Variants in LPA observed in about 807,000 individuals in gnomAD.
LPA encodes lipoprotein(a).
In LPA, 199 loss-of-function variants were observed where a neutral mutation model predicts 197.9. The ratio of observed to expected loss-of-function variants is 1.01; its 90% CI spans 0.90 to 1.13. The LOEUF (loss-of-function observed/expected upper bound fraction) is 1.13. LPA is among the 50% of genes most tolerant of loss of function. The pLI, the probability that LPA is intolerant of heterozygous loss-of-function variation, is 0.00. For synonymous variants in LPA, 715 were observed against 639.5 expected (o/e 1.12, Z -1.78); for missense variants, 1,853 against 1,785.8 (o/e 1.04, Z -0.68).
chr6:160,581,016 A>G (rs1778784502), intron 26 of LPA, among the ~76,000 whole-genome samples: 1 of 152,124 alleles, frequency 6.6e-6, no homozygotes, highest in African/African-American at 2.4e-5. Context: ...ATACTTTTTC[A>G]TAGCAGTCTT....
chr6:160,555,436 C>CATATATAT lies in LPA; in HGVS notation c.4973+581_4973+588dup, dbSNP rs770158265. The stretch of plus-strand genomic sequence containing the variant: ...AAAAACCTTGCATGTTTCCCTAGAA[C>CATATATAT]ATATATATATATATATATATGTGTG... On this transcript the variant is annotated intron_variant, in intron 30 of 38. Transcript: ENST00000316300. Among the ~76,000 whole-genome samples, 113 of 121,986 alleles carry CATATATAT rather than the reference C, an allele frequency of 9.3e-4. 2 individuals are homozygous for CATATATAT. The highest frequency in any genetic ancestry group is 1.2e-3 in the African/African-American group (39 of 31,478). The allele number at this position is 121,986 out of a possible 152,430, so 80.0% of individuals were successfully genotyped here.
chr6:160,605,202 G>C lies in LPA; in HGVS notation c.2789C>G (p.Pro930Arg). 6.2e-7 allele frequency: 1 copy of C among 1,613,566 alleles called. No individual in the cohort carries two copies. Among genetic ancestry groups the C allele is most frequent in the Non-Finnish European group, 8.5e-7 (1 of 1,179,836 alleles). The change falls in exon 18 of 39, where the codon CCA becomes CGA. Residue 930 changes from proline (P) to arginine (R), a missense_variant. By Grantham distance (103) the Pro-to-Arg change is moderately radical. Around this residue, in one of 3 missense-constraint regions of LPA, gnomAD observed 1,737 missense variants for 1,504.4 expected, o/e 1.15. Coordinates refer to ENST00000316300, the MANE Select transcript of LPA (RefSeq NM_005577.4). ...CTGCACCCCAGGCCTTTGCTCAGTTGGTGCTGAAATGAAAAGAAAAGAAAT... is the reference window on the plus strand; with the variant it reads ...CTGCACCCCAGGCCTTTGCTCAGTTCGTGCTGAAATGAAAAGAAAAGAAAT... ...PSLEAPSEQA[P>R]TEQRPGVQEC...
chr6:160,600,855 G>A (rs1474139460), intron 19 of LPA, 62 bp downstream of exon 19: 6 of 1,557,660 alleles, frequency 3.9e-6, no homozygotes, highest in Non-Finnish European at 5.3e-6. Flanking sequence ...TGCGTCAGTG[G>A]GGGTATCCAT....
At chr6:160,579,279 T>A (rs1354221603) in intron 26 of LPA, among the ~76,000 whole-genome samples, 1 of 152,114 alleles carries the variant, frequency 6.6e-6, no homozygotes, top group Non-Finnish European at 1.5e-5. Flanking sequence ...ATGAAAATAG[T>A]ATTACTATAA....
At chr6:160,571,801 C>G (rs1017016643) in intron 28 of LPA, among the ~76,000 whole-genome samples, 2 of 152,210 alleles carry the variant, frequency 1.3e-5, no homozygotes, top group Non-Finnish European at 2.9e-5. Context: ...TGGAGCTTAG[C>G]TTGCTGGGCT....
In LPA at chr6:160,593,955, T is replaced by C. The variant is rs1048567316; in HGVS notation, c.3629+3A>G. 2 of 1,613,500 alleles carry C rather than the reference T, an allele frequency of 1.2e-6. No homozygotes were observed. Among genetic ancestry groups the C allele is most frequent in the African/African-American group, 1.3e-5 (1 of 74,916 alleles). On this transcript the variant is annotated splice_donor_region_variant and intron_variant, in intron 22 of 38. Coordinates refer to ENST00000316300, the MANE Select transcript of LPA (RefSeq NM_005577.4). ...TGTCTTTGAAGAAAACTCAAGGTTG[T>C]ACCCATTTGGATAATATTCTGTTGT...
intron 38 of LPA, 73 bp from the exon 39 acceptor site, chr6:160,531,963 C>G (rs1777814192): frequency 1.3e-6 from 2 of 1,512,590 alleles, no homozygotes; most frequent in African/African-American, 1.4e-5. Context: ...CCATCCTTCT[C>G]TTATCCATAT....
At chr6:160,542,950 TTTTC>T (rs1227378698) in intron 33 of LPA, 142 bp from the exon 34 acceptor site, 24 of 1,200,632 alleles carry the variant, frequency 2.0e-5, no homozygotes, top group Middle Eastern at 2.0e-4. Context: ...CTCTTTAGAT[TTTTC>T]TTTCTAAGTT....
At chr6:160,565,814 C>T (rs1477947995) in intron 28 of LPA, among the ~76,000 whole-genome samples, 2 of 152,130 alleles carry the variant, frequency 1.3e-5, no homozygotes, top group African/African-American at 4.8e-5. Context: ...CTAAAATAAA[C>T]AGCATAGAGA....
intron 28 of LPA, among the ~76,000 whole-genome samples, chr6:160,562,416 G>A (rs1583580170): frequency 6.6e-6 from 1 of 152,316 alleles, no homozygotes; most frequent in Non-Finnish European, 1.5e-5. Flanking sequence ...CAGGGATGAA[G>A]CCAACTTGAT....
Position 160,548,555 on chromosome 6 carries a change from C to T in LPA, c.5078G>A (p.Cys1693Tyr), listed in dbSNP as rs752283952. ...IRWEYCNLTR[C>Y]SDTEGTVVAP... Reference sequence around the variant, plus strand: ...GACCACAGTCCCTTCTGTGTCTGAGCATCGCGTCAGGTTGCAGTACTCCCA... The same window carrying T: ...GACCACAGTCCCTTCTGTGTCTGAGTATCGCGTCAGGTTGCAGTACTCCCA... Residue 1693 changes from cysteine to tyrosine, a missense_variant, in exon 31 of 39, where the codon TGC becomes TAC. Physicochemically the swap from Cys to Tyr is radical, Grantham distance 194. Coordinates refer to ENST00000316300, the MANE Select transcript of LPA (RefSeq NM_005577.4). 1.9e-6 allele frequency: 3 copies of T among 1,614,120 alleles called. No individual in the cohort carries two copies. The South Asian group carries it at 3.3e-5, about 18-fold the overall frequency.
At chr6:160,532,975 A>T (rs577256705) in intron 37 of LPA, among the ~76,000 whole-genome samples, 68 of 152,326 alleles carry the variant, frequency 4.5e-4, no homozygotes, top group Admixed American at 1.1e-3. Context: ...TACAATTGCT[A>T]TTCTTTTTAT....
intron 16 of LPA, among the ~76,000 whole-genome samples, chr6:160,609,986 T>A (rs545158699): frequency 1.3e-5 from 2 of 152,328 alleles, no homozygotes; most frequent in South Asian, 2.1e-4. Context: ...TTGATTTGGC[T>A]ATTCTATACT....
intron 38 of LPA, among the ~76,000 whole-genome samples, chr6:160,532,092 C>T (rs932329454): frequency 2.6e-5 from 4 of 152,082 alleles, no homozygotes; most frequent in African/African-American, 9.7e-5. Flanking sequence ...TAGTTTTTTC[C>T]TGGGAAAAAA....
chr6:160,560,766 C>A (rs966153763), intron 28 of LPA, among the ~76,000 whole-genome samples: 2 of 152,052 alleles, frequency 1.3e-5, no homozygotes, highest in African/African-American at 2.4e-5. Flanking sequence ...TTTTGCTGTG[C>A]AGAAGCTCTT....
At chr6:160,560,010 A>C (rs1206998784) in intron 28 of LPA, among the ~76,000 whole-genome samples, 2 of 151,924 alleles carry the variant, frequency 1.3e-5, no homozygotes, top group African/African-American at 4.8e-5. Flanking sequence ...TCATTGTTCA[A>C]CTCACACTTA....
Position 160,572,467 on chromosome 6 carries a change from T to A in LPA, c.4631+4669A>T, listed in dbSNP as rs372116495. Among the ~76,000 whole-genome samples the A allele has an allele frequency of 4.6e-5, 7 of 152,348 alleles. No individual in the cohort carries two copies. In the South Asian group the frequency reaches 1.2e-3, roughly 27 times the overall value. On this transcript the variant is annotated intron_variant, in intron 28 of 38. Coordinates refer to ENST00000316300, the MANE Select transcript of LPA (RefSeq NM_005577.4). Reference sequence around the variant, plus strand: ...CGTACTTTGGTTTTGTTTTTTGTTTTTGTTTTTTAACTTGTACTTTTGTTT... The same window carrying A: ...CGTACTTTGGTTTTGTTTTTTGTTTATGTTTTTTAACTTGTACTTTTGTTT...
intron 16 of LPA, 71 bp downstream of exon 16, chr6:160,611,491 T>C: frequency 6.3e-7 from 1 of 1,590,938 alleles, no homozygotes. Flanking sequence ...GAACTCAGCT[T>C]GAAGCATGTC....
chr6:160,586,635 A>C lies in LPA; in HGVS notation c.3948-5T>G, dbSNP rs1192990249. The C allele has an allele frequency of 6.2e-7, 1 of 1,613,608 alleles. No individual in the cohort carries two copies. The highest frequency in any genetic ancestry group is 1.7e-4 in the Middle Eastern group (1 of 5,924). On this transcript the variant is annotated splice_polypyrimidine_tract_variant and splice_region_variant and intron_variant, in intron 24 of 38. Coordinates refer to ENST00000316300, the MANE Select transcript of LPA (RefSeq NM_005577.4). The stretch of plus-strand genomic sequence containing the variant: ...CAGTAGTTCCTGGTCAGGCCACTGC[A>C]AATTCCAAAACAATACAGGTCACCA...
Sources: gnomAD v4.1 joint callset for allele counts (sites outside exome capture counted in the v4.1 genomes callset) on GRCh38, gnomAD v4.1.1 for gene constraint, gnomAD v4.1.1 regional missense constraint, MANE v1.5 for transcripts, NCBI Gene and HGNC (gene_info 2026-07-23, HGNC 2026-07-21) for gene names.